Variants in XRCC6 observed in about 807,000 individuals in gnomAD.
XRCC6 encodes DNA repair protein Ku70.
Under a neutral mutation model 65.7 loss-of-function variants are expected in XRCC6, and 5 were observed. That is an observed-to-expected ratio of 0.08 (90% CI 0.04 to 0.16). The LOEUF is 0.16. Ranked by LOEUF, XRCC6 falls within the 10% of genes least tolerant of loss-of-function variation. XRCC6 has a pLI of 1.00. For synonymous variants in XRCC6, 270 were observed against 270.6 expected (o/e 1.00, Z 0.02); for missense variants, 447 against 738.1 (o/e 0.61, Z 4.57).
chr22:41,659,022 G>A (rs886988166), intron 11 of XRCC6, among the ~76,000 whole-genome samples: 4 of 152,210 alleles, frequency 2.6e-5, no homozygotes, highest in Admixed American at 6.5e-5. Flanking sequence ...GCAGCCGGGC[G>A]TAGTGGCTTA....
intron 7 of XRCC6, among the ~76,000 whole-genome samples, chr22:41,649,726 G>C (rs969940474): frequency 6.6e-6 from 1 of 151,874 alleles, no homozygotes. Flanking sequence ...GTGGTGGCGG[G>C]CACCTATAGT....
At chr22:41,657,766 TGCCTCA>T (rs1302182980) in intron 10 of XRCC6, among the ~76,000 whole-genome samples, 2 of 152,086 alleles carry the variant, frequency 1.3e-5, no homozygotes, top group Non-Finnish European at 2.9e-5. Context: ...GCCATCCGCC[TGCCTCA>T]GCTTCTCAAA....
At chr22:41,648,083 CT>C (rs2067955257) in intron 7 of XRCC6, 1 of 121,198 alleles carries the variant, frequency 8.3e-6, no homozygotes, top group South Asian at 3.2e-4. Context: ...TCTTCTGTTT[CT>C]TTTCTTTCCG....
At chr22:41,654,406 G>A (rs1405323299) in intron 9 of XRCC6, among the ~76,000 whole-genome samples, 1 of 152,140 alleles carries the variant, frequency 6.6e-6, no homozygotes, top group East Asian at 1.9e-4. Flanking sequence ...CTGCACTACT[G>A]AGGCTGAAAT....
intron 6 of XRCC6, among the ~76,000 whole-genome samples, chr22:41,643,851 G>A (rs1353286044): frequency 1.4e-5 from 2 of 147,732 alleles, no homozygotes; most frequent in African/African-American, 5.1e-5. Flanking sequence ...TGGGCGCAGT[G>A]GCATGTGCTT....
chr22:41,643,526 T>C (rs1227092627), intron 6 of XRCC6, among the ~76,000 whole-genome samples: 1 of 151,184 alleles, frequency 6.6e-6, no homozygotes, highest in East Asian at 2.0e-4. Flanking sequence ...TTCAAAATAA[T>C]TTTAAATTTT....
chr22:41,656,814 C>G (rs1388915759), intron 9 of XRCC6, 89 bp from the exon 10 acceptor site: 3 of 1,585,600 alleles, frequency 1.9e-6, no homozygotes, highest in African/African-American at 2.7e-5. Context: ...CCCAGCACCA[C>G]AGGACATAAA....
chr22:41,629,400 AG>A (rs1401997967), intron 3 of XRCC6, among the ~76,000 whole-genome samples: 3 of 152,244 alleles, frequency 2.0e-5, no homozygotes, highest in African/African-American at 7.2e-5. Flanking sequence ...ACTACAAAGT[AG>A]ATGAATCTTG....
intron 2 of XRCC6, among the ~76,000 whole-genome samples, chr22:41,626,966 G>T (rs1327325242): frequency 6.6e-6 from 1 of 152,108 alleles, no homozygotes; most frequent in Admixed American, 6.6e-5. Flanking sequence ...AGTAGACACA[G>T]GGTTTAACCA....
At chr22:41,621,814 T>C in intron 1 of XRCC6, 176 bp from the exon 2 acceptor site, 2 of 594,044 alleles carry the variant, frequency 3.4e-6, no homozygotes, top group Non-Finnish European at 5.9e-6. Flanking sequence ...GCTACTGGGA[T>C]GGCCCCCATG....
In XRCC6 at chr22:41,650,818, G is replaced by T. The variant is rs550596546; in HGVS notation, c.1056G>T (p.Pro352=). Reference sequence around the variant, plus strand: ...GTTTGATGCTCATGGGTTTCAAGCCGTTGGTACTGCTGAAGAAACACCATT... The same window carrying T: ...GTTTGATGCTCATGGGTTTCAAGCCTTTGGTACTGCTGAAGAAACACCATT... The part of the protein sequence containing the change: ...DPGLMLMGFK[P]LVLLKKHHYL... The change falls in exon 8 of 13, where the codon CCG becomes CCT. Residue 352 remains proline, a synonymous_variant. Transcript: ENST00000360079. 1 of 1,613,994 alleles carries T rather than the reference G, an allele frequency of 6.2e-7. No individual in the cohort carries two copies. Among genetic ancestry groups the T allele is most frequent in the Admixed American group, 1.7e-5 (1 of 60,000 alleles).
At chr22:41,653,782 T>C in intron 9 of XRCC6, 92 bp downstream of exon 9, 1 of 1,441,320 alleles carries the variant, frequency 6.9e-7, no homozygotes, top group Non-Finnish European at 9.4e-7. Context: ...TGAATCATAG[T>C]CTCTGGGAAT....
chr22:41,660,180 C>T (rs900877312), intron 11 of XRCC6, among the ~76,000 whole-genome samples: 1 of 152,232 alleles, frequency 6.6e-6, no homozygotes, highest in Non-Finnish European at 1.5e-5. Flanking sequence ...CTGCCCATCT[C>T]ATCACCCTTG....
At chr22:41,637,962 TA>T (rs132775) in intron 6 of XRCC6, among the ~76,000 whole-genome samples, 171 bp downstream of exon 6, 123 of 131,086 alleles carry the variant, frequency 9.4e-4, no homozygotes, top group Admixed American at 2.1e-3. Flanking sequence ...TCTCTCTACC[TA>T]AAAAAAAAAA....
chr22:41,647,140 C>T (rs2067940475), intron 7 of XRCC6, 58 bp downstream of exon 7: 1 of 1,586,900 alleles, frequency 6.3e-7, no homozygotes, highest in African/African-American at 1.3e-5. Context: ...ATTGTGTCGC[C>T]CAGGCTGGAG....
At chr22:41,638,668 C>A (rs987472754) in intron 6 of XRCC6, among the ~76,000 whole-genome samples, 1 of 150,956 alleles carries the variant, frequency 6.6e-6, no homozygotes, top group Non-Finnish European at 1.5e-5. Context: ...GCCTGTAGTC[C>A]CAGCTACTCA....
intron 7 of XRCC6, among the ~76,000 whole-genome samples, chr22:41,649,202 A>G (rs1487182900): frequency 6.9e-6 from 1 of 145,454 alleles, no homozygotes; most frequent in East Asian, 1.9e-4. Flanking sequence ...CTCTCTCCAA[A>G]CAATACAAAT....
rs905463266 is a variant in XRCC6, at chr22:41,662,772, T to A, written c.1637-850T>A. On this transcript the variant is annotated intron_variant, in intron 12 of 12. Transcript: ENST00000360079. Reference sequence around the variant, plus strand: ...TCACCCTTCCAGGACTTAATTTTTTTAATTTCTATTTAAAATGATACAGAA... The same window carrying A: ...TCACCCTTCCAGGACTTAATTTTTTAAATTTCTATTTAAAATGATACAGAA... 1.6e-4 allele frequency among the ~76,000 whole-genome samples: 25 copies of A among 152,264 alleles called. 1 individual carries two copies. The highest frequency in any genetic ancestry group is 2.9e-4 in the African/African-American group (12 of 41,562).
At chr22:41,652,768 AAT>A (rs1231647793) in intron 8 of XRCC6, among the ~76,000 whole-genome samples, 2 of 152,000 alleles carry the variant, frequency 1.3e-5, no homozygotes, top group African/African-American at 4.8e-5. Flanking sequence ...CCGCCTCCTG[AAT>A]TCAAGCGATT....
Sources: allele counts gnomAD v4.1 joint callset (sites outside exome capture counted in the v4.1 genomes callset), GRCh38; gene constraint gnomAD v4.1.1; transcripts MANE v1.5; gene names NCBI Gene and HGNC (gene_info 2026-07-23, HGNC 2026-07-21).